Variants in PCDH9 observed in about 807,000 individuals in gnomAD.
PCDH9 encodes the protein protocadherin 9, also known as protocadherin-9.
A neutral mutation model predicts 70.6 loss-of-function variants in PCDH9; 24 were observed. The observed-to-expected ratio is 0.34, with a 90% CI of 0.25 to 0.48. The LOEUF is 0.48. PCDH9 is among the 20% of genes least tolerant of loss of function. The pLI is 0.99. For synonymous variants in PCDH9, 562 were observed against 558.5 expected, an observed-to-expected ratio of 1.01 and a Z score of -0.09; for missense variants, 1,281 against 1,503.6, an observed-to-expected ratio of 0.85 and a Z score of 2.45.
chr13:66,351,893 G>A (rs894927351), intron 4 of PCDH9, among the ~76,000 whole-genome samples: 5 of 149,912 alleles, frequency 3.3e-5, no homozygotes, highest in African/African-American at 1.2e-4. Context: ...AGGCTAGAGT[G>A]TAATGGCATG....
intron 3 of PCDH9, among the ~76,000 whole-genome samples, chr13:66,658,035 G>C (rs2077956822): frequency 6.6e-6 from 1 of 152,132 alleles, no homozygotes; most frequent in African/African-American, 2.4e-5. Context: ...GAAATCTAGA[G>C]ATGATTTTTA....
At chr13:67,125,466 ATCTCT>A (rs903303682) in intron 2 of PCDH9, among the ~76,000 whole-genome samples, 59 of 152,284 alleles carry the variant, frequency 3.9e-4, no homozygotes, top group African/African-American at 1.4e-3. Context: ...GGAGAGAAGA[ATCTCT>A]TCTCTTCCCT....
chr13:67,122,698 C>T (rs7992494), intron 2 of PCDH9, among the ~76,000 whole-genome samples: 9,774 of 151,312 alleles, frequency 0.065, 354 homozygotes, highest in African/African-American at 0.083. Context: ...CGCTTGAACT[C>T]GGGAGGCAGA....
chr13:67,055,683 C>A (rs562865860), intron 2 of PCDH9, among the ~76,000 whole-genome samples: 19 of 151,848 alleles, frequency 1.3e-4, no homozygotes, highest in Non-Finnish European at 2.6e-4. Context: ...CACCTGTAGT[C>A]CCAGCTACTC....
At chr13:66,352,445 TAAG>T (rs1160186577) in intron 4 of PCDH9, among the ~76,000 whole-genome samples, 2 of 152,136 alleles carry the variant, frequency 1.3e-5, no homozygotes, top group African/African-American at 4.8e-5. Context: ...CTGGGAAGTT[TAAG>T]GTCAAGACCA....
intron 4 of PCDH9, among the ~76,000 whole-genome samples, chr13:66,312,483 C>A (rs1955579237): frequency 6.6e-6 from 1 of 151,888 alleles, no homozygotes; most frequent in Non-Finnish European, 1.5e-5. Flanking sequence ...TGGTGTCATG[C>A]GCCTGTGGTG....
chr13:66,552,450 T>C (rs1027632941), intron 4 of PCDH9, among the ~76,000 whole-genome samples: 15 of 152,060 alleles, frequency 9.9e-5, no homozygotes, highest in Non-Finnish European at 1.0e-4. Context: ...AGACCAAAAT[T>C]TGTATGATGT....
At chr13:66,487,588 G>A (rs927962103) in intron 4 of PCDH9, among the ~76,000 whole-genome samples, 3 of 152,000 alleles carry the variant, frequency 2.0e-5, no homozygotes, top group African/African-American at 2.4e-5. Context: ...TAATATGGAC[G>A]TAATATTATA....
chr13:66,455,331 C>A (rs990178845), intron 4 of PCDH9, among the ~76,000 whole-genome samples: 4 of 151,434 alleles, frequency 2.6e-5, no homozygotes, highest in Non-Finnish European at 5.9e-5. Context: ...TGAACACATT[C>A]TTCTTCTCCT....
chr13:67,000,574 AC>A (rs1306656986), intron 2 of PCDH9, among the ~76,000 whole-genome samples: 1 of 151,976 alleles, frequency 6.6e-6, no homozygotes, highest in African/African-American at 2.4e-5. Context: ...AAATAAATTT[AC>A]AAAAATTCGA....
chr13:66,670,541 G>C (rs904744644), intron 3 of PCDH9, among the ~76,000 whole-genome samples: 1 of 152,098 alleles, frequency 6.6e-6, no homozygotes, highest in Non-Finnish European at 1.5e-5. Flanking sequence ...GTGGCATGCA[G>C]TTTTAAAAAG....
chr13:66,964,619 A>T (rs982309056), intron 2 of PCDH9, among the ~76,000 whole-genome samples: 5 of 152,234 alleles, frequency 3.3e-5, no homozygotes, highest in Admixed American at 6.6e-5. Flanking sequence ...AAATGTAAAA[A>T]AAAAAAATAT....
At chr13:67,005,361 G>T (rs1001438911) in intron 2 of PCDH9, among the ~76,000 whole-genome samples, 1 of 152,046 alleles carries the variant, frequency 6.6e-6, no homozygotes, top group Non-Finnish European at 1.5e-5. Context: ...GAAGATTTAG[G>T]TAAGTTTGCT....
intron 3 of PCDH9, among the ~76,000 whole-genome samples, chr13:66,763,385 A>G (rs1316880979): frequency 3.3e-5 from 5 of 152,034 alleles, no homozygotes; most frequent in African/African-American, 1.2e-4. Flanking sequence ...GATGTGAAGT[A>G]TATAAGAATA....
At chr13:66,491,599 G>C (rs2138534717) in intron 4 of PCDH9, among the ~76,000 whole-genome samples, 1 of 152,242 alleles carries the variant, frequency 6.6e-6, no homozygotes, top group African/African-American at 2.4e-5. Context: ...AGCTGGCATT[G>C]ATTTGAATTG....
intron 4 of PCDH9, among the ~76,000 whole-genome samples, chr13:66,472,571 AAAC>A (rs546892632): frequency 2.6e-4 from 40 of 152,170 alleles, no homozygotes; most frequent in Non-Finnish European, 3.7e-4. Context: ...CCCTATCTCA[AAAC>A]AACAACAACA....
At chr13:67,059,203 C>A (rs1274085162) in intron 2 of PCDH9, among the ~76,000 whole-genome samples, 2 of 151,598 alleles carry the variant, frequency 1.3e-5, no homozygotes, top group Non-Finnish European at 2.9e-5. Flanking sequence ...AACTTTCATT[C>A]TTTTATGCAA....
At chr13:66,931,362 T>A (rs1394244071) in intron 2 of PCDH9, among the ~76,000 whole-genome samples, 1 of 152,186 alleles carries the variant, frequency 6.6e-6, no homozygotes, top group East Asian at 1.9e-4. Context: ...ATATTAGGAA[T>A]AAGAATAAAA....
intron 4 of PCDH9, among the ~76,000 whole-genome samples, chr13:66,309,847 GT>G (rs1018660383): frequency 5.3e-5 from 8 of 151,254 alleles, no homozygotes; most frequent in Admixed American, 5.3e-4. Flanking sequence ...GTGCATCTGT[GT>G]TTTTTTCTGT....
Sources: allele counts gnomAD v4.1 joint callset (sites outside exome capture counted in the v4.1 genomes callset), GRCh38; gene constraint gnomAD v4.1.1; transcripts MANE v1.5; gene names NCBI Gene and HGNC (gene_info 2026-07-23, HGNC 2026-07-21).